The following TGFBR3 variants were observed in gnomAD, a reference collection of about 807,000 sequenced individuals.
TGFBR3 encodes transforming growth factor beta receptor type 3.
In TGFBR3, 46 loss-of-function variants were observed where a neutral mutation model predicts 87.9. That is an observed-to-expected ratio of 0.52 (90% CI 0.41 to 0.67). The LOEUF (loss-of-function observed/expected upper bound fraction) is 0.67. Among genes scored for constraint, TGFBR3 ranks in the 30% least tolerant of loss-of-function variants. TGFBR3 has a pLI of 0.00. For missense variants in TGFBR3, 866 were observed against 1,041.9 expected, an observed-to-expected ratio of 0.83 and a Z score of 2.32; for synonymous variants, 381 against 391.6, an observed-to-expected ratio of 0.97 and a Z score of 0.32.
At chr1:91,889,477 T>A (rs1197410895), upstream of TGFBR3, among the ~76,000 whole-genome samples, 1 of 152,152 alleles carries the variant, frequency 6.6e-6, no homozygotes, top group East Asian at 1.9e-4. Flanking sequence ...GTAGATGATA[T>A]GGAAAAACAC....
chr1:91,883,341 A>G lies in TGFBR3; in HGVS notation c.-114+2537T>C, dbSNP rs190564860. Among the ~76,000 whole-genome samples the G allele has an allele frequency of 2.7e-4, 41 of 152,244 alleles. 1 individual carries two copies. The East Asian group carries it at 4.4e-3, about 16-fold the overall frequency. ...TAAGGAAACAAATTGAAAAAAAACT[A>G]TATGTGTGTTTATCTATCTGTCCAG... On this transcript the variant is annotated intron_variant, in intron 1 of 16. Coordinates refer to ENST00000212355, the MANE Select transcript of TGFBR3 (RefSeq NM_003243.5).
chr1:91,765,621 A>G (rs1263121875), intron 3 of TGFBR3, among the ~76,000 whole-genome samples: 1 of 152,310 alleles, frequency 6.6e-6, no homozygotes, highest in East Asian at 1.9e-4. Context: ...GGAACCATAA[A>G]AGGCAAAGAA....
intron 1 of TGFBR3, among the ~76,000 whole-genome samples, chr1:91,878,508 AG>A (rs1404997852): frequency 6.6e-6 from 1 of 152,210 alleles, no homozygotes; most frequent in Non-Finnish European, 1.5e-5. Flanking sequence ...TTAGCAAAAT[AG>A]TATGATACAA....
intron 12 of TGFBR3, 109 bp from the exon 13 acceptor site, chr1:91,712,651 C>G: frequency 1.1e-6 from 1 of 943,940 alleles, no homozygotes. Flanking sequence ...GCTGCTTTAT[C>G]TTCATAACAT....
intron 2 of TGFBR3, among the ~76,000 whole-genome samples, chr1:91,809,889 C>A (rs1273848090): frequency 2.0e-5 from 3 of 152,154 alleles, no homozygotes; most frequent in African/African-American, 7.2e-5. Context: ...GCTCCTTTCA[C>A]AGTGAAGCTA....
chr1:91,715,914 C>G (rs75989895), intron 12 of TGFBR3, among the ~76,000 whole-genome samples: 1,608 of 151,588 alleles, frequency 0.011, 34 homozygotes, highest in African/African-American at 0.037. Context: ...ATGGTTAACT[C>G]TAACACTGCA....
intron 3 of TGFBR3, among the ~76,000 whole-genome samples, chr1:91,762,652 T>C (rs1328065830): frequency 1.3e-5 from 2 of 152,224 alleles, no homozygotes; most frequent in Non-Finnish European, 2.9e-5. Flanking sequence ...TGTGAGAAAA[T>C]GCAAGCAAAT....
intron 3 of TGFBR3, among the ~76,000 whole-genome samples, chr1:91,760,109 C>T (rs916563324): frequency 3.3e-5 from 5 of 152,182 alleles, no homozygotes; most frequent in Non-Finnish European, 5.9e-5. Context: ...TGTTTTAATT[C>T]TCTGCTTTTC....
At chr1:91,820,723 A>T (rs1333929533) in intron 2 of TGFBR3, among the ~76,000 whole-genome samples, 2 of 152,210 alleles carry the variant, frequency 1.3e-5, no homozygotes, top group African/African-American at 4.8e-5. Flanking sequence ...AAAAGGGTGT[A>T]TCTATATCAT....
intron 1 of TGFBR3, among the ~76,000 whole-genome samples, chr1:91,902,403 G>A (rs192580585): frequency 1.3e-5 from 2 of 151,774 alleles, no homozygotes; most frequent in East Asian, 1.9e-4. Flanking sequence ...CTTAGCCTCC[G>A]TAGCTGAGAT....
At chr1:91,889,697 G>A (rs942557079), upstream of TGFBR3, among the ~76,000 whole-genome samples, 3 of 151,772 alleles carry the variant, frequency 2.0e-5, no homozygotes, top group Non-Finnish European at 2.9e-5. Context: ...TTTTTGAGAC[G>A]GAGTTTCCCT....
chr1:91,850,567 G>A (rs1318652136), intron 2 of TGFBR3, among the ~76,000 whole-genome samples: 1 of 152,042 alleles, frequency 6.6e-6, no homozygotes, highest in Non-Finnish European at 1.5e-5. Context: ...GATCACTTGA[G>A]GCCAGAAGTT....
chr1:91,708,736 G>C lies in TGFBR3; in HGVS notation c.2214C>G (p.Ile738Met), dbSNP rs775529350. Residue 738 changes from isoleucine (I) to methionine (M), a missense_variant, in exon 14 of 17, where the codon ATC becomes ATG. Physicochemically the swap from Ile to Met is conservative, Grantham distance 10. Coordinates refer to ENST00000212355, the MANE Select transcript of TGFBR3 (RefSeq NM_003243.5). Reference sequence around the variant, plus strand: ...TCTTCTTATTCTGCATCATGGCCCAGATTATCGAGGCGTCCAGCGAGGTGC... The same window carrying C: ...TCTTCTTATTCTGCATCATGGCCCACATTATCGAGGCGTCCAGCGAGGTGC... ...EACTSLDASIIWAMMQNKKTF... is the reference protein window; with the variant it reads ...EACTSLDASIMWAMMQNKKTF... 1 of 1,614,074 alleles carries C rather than the reference G, an allele frequency of 6.2e-7. No homozygotes were observed. The highest frequency in any genetic ancestry group is 8.5e-7 in the Non-Finnish European group (1 of 1,179,982).
At chr1:91,685,762 C>T (rs145266064) in intron 16 of TGFBR3, among the ~76,000 whole-genome samples, 219 of 152,192 alleles carry the variant, frequency 1.4e-3, no homozygotes, top group African/African-American at 4.9e-3. Context: ...ATTCACTTTC[C>T]CCAGAGTAGG....
chr1:91,771,172 CAG>C (rs1473958424), intron 3 of TGFBR3, among the ~76,000 whole-genome samples: 2 of 152,170 alleles, frequency 1.3e-5, no homozygotes, highest in African/African-American at 4.8e-5. Context: ...ACTAAACTAA[CAG>C]GGAAAAGAGG....
chr1:91,892,846 G>A (rs961836612), intron 2 of TGFBR3, among the ~76,000 whole-genome samples: 2 of 152,160 alleles, frequency 1.3e-5, no homozygotes, highest in African/African-American at 4.8e-5. Context: ...TTCGTTTTGA[G>A]TTGCATCTGT....
At chr1:91,699,352 C>T (rs1671542518) in intron 14 of TGFBR3, among the ~76,000 whole-genome samples, 4 of 151,806 alleles carry the variant, frequency 2.6e-5, no homozygotes, top group Admixed American at 2.6e-4. Context: ...CTCTCCCACC[C>T]TTGCTCATTC....
At chr1:91,799,523 A>C (rs1475422180) in intron 2 of TGFBR3, among the ~76,000 whole-genome samples, 1 of 152,148 alleles carries the variant, frequency 6.6e-6, no homozygotes, top group Non-Finnish European at 1.5e-5. Flanking sequence ...AGCTTCAAGA[A>C]ATTATCCTAC....
chr1:91,757,295 C>T (rs1673778964), intron 4 of TGFBR3, among the ~76,000 whole-genome samples: 1 of 152,168 alleles, frequency 6.6e-6, no homozygotes, highest in Admixed American at 6.5e-5. Flanking sequence ...AAAAATACCA[C>T]AAAAGTGATG....
Sources: gnomAD v4.1 joint callset for allele counts (sites outside exome capture counted in the v4.1 genomes callset) on GRCh38, gnomAD v4.1.1 for gene constraint, MANE v1.5 for transcripts, NCBI Gene and HGNC (gene_info 2026-07-23, HGNC 2026-07-21) for gene names.